ADGRA3: variants seen among roughly 807,000 people sequenced by gnomAD.
ADGRA3 encodes the protein G-protein coupled receptor 125.
A neutral mutation model predicts 119.8 loss-of-function variants in ADGRA3; 56 were observed. The ratio of observed to expected loss-of-function variants is 0.47; its 90% CI spans 0.38 to 0.58. The LOEUF is 0.58. Ranked by LOEUF, ADGRA3 falls within the 20% of genes least tolerant of loss-of-function variation. The probability of loss-of-function intolerance (pLI) is 0.00; values close to 1 mark genes in which losing one functional copy is unlikely to be tolerated. For missense variants in ADGRA3, 1,516 were observed against 1,649.0 expected, an observed-to-expected ratio of 0.92 and a Z score of 1.40; for synonymous variants, 607 against 623.8, an observed-to-expected ratio of 0.97 and a Z score of 0.40.
At chr4:22,472,144 C>A (rs776004807) in intron 2 of ADGRA3, among the ~76,000 whole-genome samples, 1 of 152,208 alleles carries the variant, frequency 6.6e-6, no homozygotes, top group Non-Finnish European at 1.5e-5. Context: ...GGGAAGACCA[C>A]ACTAATGCCT....
rs1485961733 is a variant in ADGRA3 at position 22,392,530 on chromosome 4, AAAGAT to A, written c.2627+10_2627+14del. On this transcript the variant is annotated intron_variant, in intron 17 of 18. Transcript: ENST00000334304. ...AAGCAAACAAAACAATTAATACAAC[AAAGAT>A]ATGAGATACCTGAGCATTGGTCTTG... 1 of 1,611,164 alleles carries A rather than the reference AAAGAT, an allele frequency of 6.2e-7. No individual in the cohort carries two copies. Among genetic ancestry groups the A allele is most frequent in the Non-Finnish European group, 8.5e-7 (1 of 1,179,026 alleles).
chr4:22,422,116 C>T (rs1459138512), intron 11 of ADGRA3, among the ~76,000 whole-genome samples: 1 of 152,054 alleles, frequency 6.6e-6, no homozygotes, highest in Non-Finnish European at 1.5e-5. Context: ...AGGAGCCACA[C>T]CTTCACATCC....
chr4:22,413,961 C>T (rs1715329290), intron 12 of ADGRA3, 147 bp from the exon 13 acceptor site: 1 of 564,072 alleles, frequency 1.8e-6, no homozygotes. Flanking sequence ...TTAAAAAAAT[C>T]ATCAGTCAAG....
chr4:22,435,072 CT>C (rs1325050808), intron 10 of ADGRA3, among the ~76,000 whole-genome samples: 2 of 152,182 alleles, frequency 1.3e-5, no homozygotes, highest in Non-Finnish European at 2.9e-5. Flanking sequence ...CACCAGCGAC[CT>C]CTGCTGTATC....
intron 7 of ADGRA3, among the ~76,000 whole-genome samples, chr4:22,441,223 G>T (rs1393234852): frequency 6.6e-6 from 1 of 152,162 alleles, no homozygotes; most frequent in African/African-American, 2.4e-5. Context: ...AAACTTCTAT[G>T]TATAAAATGC....
intron 1 of ADGRA3, among the ~76,000 whole-genome samples, chr4:22,505,780 G>T (rs1176689055): frequency 6.6e-6 from 1 of 152,060 alleles, no homozygotes; most frequent in Admixed American, 6.6e-5. Flanking sequence ...CCGAGGGGAG[G>T]TATGACAGAT....
chr4:22,440,237 T>C (rs1336529286), intron 7 of ADGRA3, among the ~76,000 whole-genome samples: 1 of 152,210 alleles, frequency 6.6e-6, no homozygotes, highest in Non-Finnish European at 1.5e-5. Context: ...AAATGTTTCC[T>C]GGATAACTTT....
chr4:22,402,670 C>T lies in ADGRA3; in HGVS notation c.2357+5G>A. On this transcript the variant is annotated splice_donor_5th_base_variant and intron_variant, in intron 15 of 18. Coordinates refer to ENST00000334304, the MANE Select transcript of ADGRA3 (RefSeq NM_145290.4). ...AGATCTATTTTGTCGAGATGTATTT[C>T]TTACCTGTGATGGTATATGTAACTG... is the stretch of plus-strand genomic sequence containing the variant. The T allele has an allele frequency of 6.2e-7, 1 of 1,610,122 alleles. No individual in the cohort carries two copies. The highest frequency in any genetic ancestry group is 1.1e-5 in the South Asian group (1 of 89,846).
intron 1 of ADGRA3, among the ~76,000 whole-genome samples, chr4:22,474,644 A>AG (rs11463859): frequency 0.55 from 83,001 of 151,892 alleles, 23,496 homozygotes; most frequent in East Asian, 0.69. Context: ...TATCAAGGTA[A>AG]GAAAATGAGA....
intron 16 of ADGRA3, among the ~76,000 whole-genome samples, chr4:22,400,691 T>G (rs1328056901): frequency 1.3e-5 from 2 of 152,048 alleles, no homozygotes; most frequent in African/African-American, 2.4e-5. Context: ...ACATGTTATA[T>G]ATTTTTTTAA....
At chr4:22,398,608 G>T (rs1167177336) in intron 16 of ADGRA3, among the ~76,000 whole-genome samples, 1 of 151,434 alleles carries the variant, frequency 6.6e-6, no homozygotes, top group South Asian at 2.1e-4. Context: ...TTGTTAAAGT[G>T]GGCTGTTTAT....
chr4:22,488,233 G>GC (rs1407149839), intron 1 of ADGRA3, among the ~76,000 whole-genome samples: 2 of 152,018 alleles, frequency 1.3e-5, no homozygotes, highest in African/African-American at 2.4e-5. Context: ...TTGTGTAGTT[G>GC]CAACGGAAAC....
At chr4:22,451,991 G>C (rs1015181672) in intron 4 of ADGRA3, among the ~76,000 whole-genome samples, 1 of 152,140 alleles carries the variant, frequency 6.6e-6, no homozygotes, top group Non-Finnish European at 1.5e-5. Context: ...CCTGGCTCAA[G>C]AGCTCAAAAA....
At chr4:22,395,261 A>T (rs990575940) in intron 16 of ADGRA3, among the ~76,000 whole-genome samples, 1 of 152,194 alleles carries the variant, frequency 6.6e-6, no homozygotes. Context: ...TTGTTATCTA[A>T]CTGTAAACTC....
chr4:22,471,340 G>A (rs1377070885), intron 2 of ADGRA3, among the ~76,000 whole-genome samples: 1 of 152,124 alleles, frequency 6.6e-6, no homozygotes, highest in Non-Finnish European at 1.5e-5. Context: ...AGGGAGAGAA[G>A]CAGAATAGAT....
At chr4:22,475,281 T>C (rs61792059) in intron 1 of ADGRA3, among the ~76,000 whole-genome samples, 51,233 of 151,926 alleles carry the variant, frequency 0.34, 9,120 homozygotes, top group Middle Eastern at 0.46. Context: ...ACTCAATGAG[T>C]ATCCATTAAG....
intron 11 of ADGRA3, among the ~76,000 whole-genome samples, chr4:22,422,554 T>C (rs1715749266): frequency 7.6e-6 from 1 of 132,004 alleles, no homozygotes; most frequent in Admixed American, 8.3e-5. Flanking sequence ...CAGCAGTCAT[T>C]AGGCCCAACA....
chr4:22,498,812 G>C (rs531646812), intron 1 of ADGRA3, among the ~76,000 whole-genome samples: 1 of 152,124 alleles, frequency 6.6e-6, no homozygotes, highest in East Asian at 1.9e-4. Context: ...TACTCAGGAG[G>C]CTGAGGCAGG....
chr4:22,492,370 T>A (rs2126631), intron 1 of ADGRA3, among the ~76,000 whole-genome samples: 1 of 152,198 alleles, frequency 6.6e-6, no homozygotes, highest in Non-Finnish European at 1.5e-5. Flanking sequence ...AACTTGACTG[T>A]AACTCACCGT....
Sources: allele counts gnomAD v4.1 joint callset (sites outside exome capture counted in the v4.1 genomes callset), GRCh38; gene constraint gnomAD v4.1.1; transcripts MANE v1.5; gene names NCBI Gene and HGNC (gene_info 2026-07-23, HGNC 2026-07-21).